WWOX: variants seen among roughly 807,000 people sequenced by gnomAD.
WWOX encodes the protein WW domain containing oxidoreductase, also known as WW domain-containing oxidoreductase.
A neutral mutation model predicts 46.2 loss-of-function variants in WWOX; 69 were observed. The observed-to-expected ratio is 1.49, with a 90% CI of 1.23 to 1.82. The LOEUF (loss-of-function observed/expected upper bound fraction) is 1.82, where lower values mean the gene tolerates loss of function less well. WWOX is among the 40% of genes most tolerant of loss of function. The probability of loss-of-function intolerance (pLI) is 0.00; values close to 1 mark genes in which losing one functional copy is unlikely to be tolerated. For missense variants in WWOX, 919 were observed against 542.6 expected (o/e 1.69, Z -6.89); for synonymous variants, 359 against 202.6 (o/e 1.77, Z -6.56).
At chr16:78,676,495 T>C (rs1294790933) in intron 8 of WWOX, among the ~76,000 whole-genome samples, 1 of 151,836 alleles carries the variant, frequency 6.6e-6, no homozygotes, top group Admixed American at 6.6e-5. Context: ...TGGTGACTGG[T>C]GGGTTTCATC....
chr16:79,109,267 G>T (rs777112877), intron 8 of WWOX, among the ~76,000 whole-genome samples: 14 of 152,162 alleles, frequency 9.2e-5, no homozygotes, highest in African/African-American at 3.4e-4. Context: ...GTGCACTGTG[G>T]CTGGGAGTTG....
chr16:78,522,143 T>TAAAA (rs76799048), intron 8 of WWOX, among the ~76,000 whole-genome samples: 21 of 136,730 alleles, frequency 1.5e-4, no homozygotes, highest in African/African-American at 5.7e-4. Flanking sequence ...TGGAAGGCTT[T>TAAAA]AAAAAAAAAA....
intron 8 of WWOX, among the ~76,000 whole-genome samples, chr16:78,805,411 C>A (rs1435747642): frequency 6.8e-6 from 1 of 147,142 alleles, no homozygotes; most frequent in Non-Finnish European, 1.5e-5. Flanking sequence ...CAGGCACCCG[C>A]CACCTCGCCT....
intron 5 of WWOX, among the ~76,000 whole-genome samples, chr16:78,356,440 G>A (rs1358621579): frequency 1.3e-5 from 2 of 152,066 alleles, no homozygotes; most frequent in African/African-American, 4.8e-5. Context: ...GAAAATCTCA[G>A]TCCCCAGGCA....
Position 78,559,344 on chromosome 16 carries a change from C to T in WWOX, c.1056+126592C>T, listed in dbSNP as rs114979070. ...AGCAGGTGGGCTCCTAGAATAGTCC[C>T]GGCAAGAGATCATGGAGGCCAGAGC... On this transcript the variant is annotated intron_variant, in intron 8 of 8. Coordinates refer to ENST00000566780, the MANE Select transcript of WWOX (RefSeq NM_016373.4). Among the ~76,000 whole-genome samples, 1,260 of 152,206 alleles carry T rather than the reference C, an allele frequency of 8.3e-3. 14 individuals carry two copies. Among genetic ancestry groups the T allele is most frequent in the African/African-American group, 0.028 (1,158 of 41,524 alleles).
At chr16:78,780,544 C>G (rs906931667) in intron 8 of WWOX, 4 of 152,098 alleles carry the variant, frequency 2.6e-5, no homozygotes, top group African/African-American at 9.7e-5. Context: ...TAAATAGAAA[C>G]TGTGATGAGG....
intron 8 of WWOX, among the ~76,000 whole-genome samples, chr16:78,662,423 C>G (rs994464635): frequency 6.6e-6 from 1 of 151,944 alleles, no homozygotes; most frequent in Non-Finnish European, 1.5e-5. Context: ...AATTTTCTAG[C>G]TTTATGTGGA....
chr16:78,694,467 G>A (rs1004409904), intron 8 of WWOX, among the ~76,000 whole-genome samples: 7 of 152,210 alleles, frequency 4.6e-5, no homozygotes, highest in African/African-American at 1.2e-4. Context: ...CAGACACCAC[G>A]TCAGTCTTGC....
At chr16:78,662,947 G>C (rs911263107) in intron 8 of WWOX, among the ~76,000 whole-genome samples, 1 of 152,106 alleles carries the variant, frequency 6.6e-6, no homozygotes, top group Admixed American at 6.5e-5. Flanking sequence ...CCGCAGCCAG[G>C]GTGTTTTTTT....
chr16:78,593,455 T>C (rs1436670770), intron 8 of WWOX, among the ~76,000 whole-genome samples: 1 of 152,322 alleles, frequency 6.6e-6, no homozygotes, highest in African/African-American at 2.4e-5. Context: ...CTCTTCAGGA[T>C]TGATCACAAA....
chr16:78,619,880 C>T (rs1044022459), intron 8 of WWOX, among the ~76,000 whole-genome samples: 18 of 151,890 alleles, frequency 1.2e-4, no homozygotes, highest in African/African-American at 2.4e-4. Context: ...CTAGCCTGGG[C>T]GACAGAGTGA....
At chr16:78,639,782 T>A (rs1391454018) in intron 8 of WWOX, among the ~76,000 whole-genome samples, 2 of 152,072 alleles carry the variant, frequency 1.3e-5, no homozygotes, top group African/African-American at 4.8e-5. Context: ...GCCAGGCTGG[T>A]CTTGAACTCC....
chr16:78,585,219 A>G (rs1312927630), intron 8 of WWOX, among the ~76,000 whole-genome samples: 1 of 152,212 alleles, frequency 6.6e-6, no homozygotes, highest in Non-Finnish European at 1.5e-5. Context: ...TGTGGCCCAT[A>G]AAATGTAATC....
chr16:79,125,230 G>C (rs1201704702), intron 8 of WWOX, among the ~76,000 whole-genome samples: 7 of 152,102 alleles, frequency 4.6e-5, no homozygotes, highest in Non-Finnish European at 8.8e-5. Flanking sequence ...AGTCTGCCAG[G>C]CCAAGAATTC....
At chr16:78,729,301 C>T (rs949893383) in intron 8 of WWOX, among the ~76,000 whole-genome samples, 1 of 151,576 alleles carries the variant, frequency 6.6e-6, no homozygotes, top group African/African-American at 2.4e-5. Flanking sequence ...ATGATTGCAC[C>T]ACTGCACTCC....
At chr16:78,873,371 T>C (rs1036933121) in intron 8 of WWOX, 3 of 152,208 alleles carry the variant, frequency 2.0e-5, no homozygotes, top group South Asian at 2.1e-4. Flanking sequence ...ACTATCTCCT[T>C]ATGCTGATTT....
At position 79,036,440 on chromosome 16, in the gene WWOX, A is replaced by G. The variant is rs141603242; in HGVS notation, c.1057-175168A>G. Reference sequence around the variant, plus strand: ...CGTTGACCTCCATATAAGTATCTGCATTTGCTGCATCATTCATGACATGTG... The same window carrying G: ...CGTTGACCTCCATATAAGTATCTGCGTTTGCTGCATCATTCATGACATGTG... On this transcript the variant is annotated intron_variant, in intron 8 of 8. Coordinates refer to ENST00000566780, the MANE Select transcript of WWOX (RefSeq NM_016373.4). Among the ~76,000 whole-genome samples, 443 of 152,288 alleles carry G rather than the reference A, an allele frequency of 2.9e-3. 12 individuals carry two copies. In the South Asian group the frequency reaches 0.045, roughly 15 times the overall value.
chr16:78,763,773 T>C (rs890992295), intron 8 of WWOX, among the ~76,000 whole-genome samples: 10 of 152,252 alleles, frequency 6.6e-5, no homozygotes, highest in Non-Finnish European at 4.4e-5. Flanking sequence ...CATGTTGACT[T>C]AATTTCTCCA....
At chr16:79,143,260 C>A (rs115842305) in intron 8 of WWOX, among the ~76,000 whole-genome samples, 1 of 152,180 alleles carries the variant, frequency 6.6e-6, no homozygotes. Context: ...TCTCTACACT[C>A]TTTTTTGGGA....
Sources: allele counts gnomAD v4.1 joint callset (sites outside exome capture counted in the v4.1 genomes callset), GRCh38; gene constraint gnomAD v4.1.1; transcripts MANE v1.5; gene names NCBI Gene and HGNC (gene_info 2026-07-23, HGNC 2026-07-21).